The following THRAP3 variants were observed in gnomAD, a reference collection of about 807,000 sequenced individuals.
THRAP3 encodes the protein thyroid hormone receptor associated protein 3.
THRAP3 carries 16 observed loss-of-function variants against 101.0 expected under a neutral mutation model. The ratio of observed to expected loss-of-function variants is 0.16; its 90% CI spans 0.11 to 0.24. The LOEUF (loss-of-function observed/expected upper bound fraction) is 0.24. Among genes scored for constraint, THRAP3 ranks in the 10% least tolerant of loss-of-function variants. The pLI is 1.00. For missense variants in THRAP3, 989 were observed against 1,202.7 expected (o/e 0.82, Z 2.63); for synonymous variants, 407 against 422.6 (o/e 0.96, Z 0.45).
chr1:36,282,543 A>G lies in THRAP3; in HGVS notation c.-21A>G. ...ATTTTCTTACATTAGGTGTAATTGA[A>G]AAGTGATCCTCTCTTCAGAGATGTC... On this transcript the variant is annotated 5_prime_UTR_variant, in exon 3 of 12. Transcript: ENST00000354618. The G allele has an allele frequency of 6.2e-7, 1 of 1,611,572 alleles. No individual in the cohort carries two copies. The highest frequency in any genetic ancestry group is 1.3e-5 in the African/African-American group (1 of 74,960).
rs936930516 is a variant in THRAP3 at position 36,249,950 on chromosome 1, C to T, written c.-134-9432C>T. ...GAAGGACCTTTAATTGGAGGAATGA[C>T]ATGATCATATTTGTGACAGGTTATT... is the stretch of plus-strand genomic sequence containing the variant. On this transcript the variant is annotated intron_variant, in intron 1 of 11. Transcript: ENST00000354618. 9.2e-5 allele frequency among the ~76,000 whole-genome samples: 14 copies of T among 152,064 alleles called. No homozygotes were observed. In the South Asian group the frequency reaches 2.1e-3, roughly 23 times the overall value.
chr1:36,289,756 C>T lies in THRAP3; in HGVS notation c.1737C>T (p.Asp579=), dbSNP rs1645842055. 1 of 1,603,728 alleles carries T rather than the reference C, an allele frequency of 6.2e-7. No homozygotes were observed. The highest frequency in any genetic ancestry group is 1.1e-5 in the South Asian group (1 of 89,536). Residue 579 remains aspartate, a synonymous_variant, in exon 5 of 12, where the codon GAC becomes GAT. Transcript: ENST00000354618. The part of the protein sequence containing the change: ...VNVRMDSFDE[D]LARPSGLLAQ... The stretch of plus-strand genomic sequence containing the variant: ...TCCGGATGGACTCTTTTGATGAGGA[C>T]CTCGCACGGTGAGATATGCTCCTTC...
upstream of THRAP3, among the ~76,000 whole-genome samples, chr1:36,221,976 A>AT (rs1644904925): frequency 6.6e-6 from 1 of 151,822 alleles, no homozygotes; most frequent in Non-Finnish European, 1.5e-5. Flanking sequence ...TGCCCAGCTA[A>AT]TTTTTTGTAT....
intron 4 of THRAP3, 127 bp from the exon 5 acceptor site, chr1:36,288,933 T>G (rs1645829752): frequency 1.5e-6 from 2 of 1,333,940 alleles, no homozygotes; most frequent in Non-Finnish European, 1.9e-6. Flanking sequence ...AGAAAGTCCT[T>G]TGGTAATACA....
chr1:36,254,970 C>T (rs1197007968), intron 1 of THRAP3, among the ~76,000 whole-genome samples: 1 of 152,096 alleles, frequency 6.6e-6, no homozygotes, highest in Non-Finnish European at 1.5e-5. Flanking sequence ...TTTCACCAGT[C>T]TTGGATCAAT....
intron 1 of THRAP3, among the ~76,000 whole-genome samples, chr1:36,257,888 T>C (rs949708926): frequency 2.6e-5 from 4 of 152,228 alleles, no homozygotes; most frequent in African/African-American, 9.6e-5. Flanking sequence ...TCACCCACGC[T>C]GGAGTGCAAT....
chr1:36,212,988 G>A, the THRAP3 span, among the ~76,000 whole-genome samples: 1 of 152,182 alleles, frequency 6.6e-6, no homozygotes, highest in Admixed American at 6.6e-5. Context: ...GAGGAAGCAG[G>A]AAGTCCAGAG....
At chr1:36,302,540 T>G (rs879525462) in intron 11 of THRAP3, among the ~76,000 whole-genome samples, 1 of 152,132 alleles carries the variant, frequency 6.6e-6, no homozygotes, top group African/African-American at 2.4e-5. Context: ...AGGGAAAAGA[T>G]TAAAGGCCCT....
the THRAP3 span, among the ~76,000 whole-genome samples, chr1:36,219,032 C>CAAA: frequency 4.6e-5 from 3 of 64,674 alleles, no homozygotes; most frequent in Non-Finnish European, 1.1e-4. Flanking sequence ...GGCTCCATCT[C>CAAA]AAAAAAAAAA....
chr1:36,249,656 A>T (rs1296161923), intron 1 of THRAP3, among the ~76,000 whole-genome samples: 3 of 149,230 alleles, frequency 2.0e-5, no homozygotes, highest in Non-Finnish European at 4.4e-5. Context: ...CTGTTGCTGG[A>T]AGGTTTCGAA....
rs571150885 is a variant in THRAP3, at chr1:36,278,216, C to A, written c.-31-4317C>A. Among the ~76,000 whole-genome samples the A allele has an allele frequency of 1.8e-4, 27 of 152,098 alleles. No homozygotes were observed. The East Asian group carries it at 3.5e-3, about 20-fold the overall frequency. ...GAGTAGCTGGGATTACAGGTGCCTG[C>A]CACCACATTTGACTAATTTTTGTAT... On this transcript the variant is annotated intron_variant, in intron 2 of 11. Coordinates refer to ENST00000354618, the MANE Select transcript of THRAP3 (RefSeq NM_005119.4).
chr1:36,301,057 A>G lies in THRAP3; in HGVS notation c.2475A>G (p.Arg825=). 1 of 1,614,212 alleles carries G rather than the reference A, an allele frequency of 6.2e-7. No individual in the cohort carries two copies. The highest frequency in any genetic ancestry group is 8.5e-7 in the Non-Finnish European group (1 of 1,180,022). ...GTKDFVGPSE[R]GGGRARGTFQ... ...AAGACTTTGTGGGTCCAAGTGAAAG[A>G]GGAGGTGGCAGAGCTCGAGGAACCT... The change falls in exon 10 of 12, where the codon AGA becomes AGG. Residue 825 remains arginine, a synonymous_variant. Coordinates refer to ENST00000354618, the MANE Select transcript of THRAP3 (RefSeq NM_005119.4).
intron 2 of THRAP3, among the ~76,000 whole-genome samples, chr1:36,270,585 T>TGTTTTTG (rs1275437427): frequency 1.1e-3 from 165 of 148,360 alleles, no homozygotes; most frequent in African/African-American, 3.6e-3. Flanking sequence ...TTGTTTTTTT[T>TGTTTTTG]TTTTTTTTTG....
the THRAP3 span, among the ~76,000 whole-genome samples, chr1:36,208,794 A>G: frequency 1.3e-5 from 2 of 151,436 alleles, no homozygotes; most frequent in African/African-American, 2.4e-5. Flanking sequence ...AGCCTCCTGA[A>G]TAGCTGGGAC....
chr1:36,294,169 G>GAA, intron 8 of THRAP3: 1 of 1,257,874 alleles, frequency 7.9e-7, no homozygotes, highest in Admixed American at 3.8e-5. Context: ...GTGAGCTTGA[G>GAA]AAAAAAAAGA....
At chr1:36,294,400 A>G (rs542137597) in intron 8 of THRAP3, among the ~76,000 whole-genome samples, 1 of 152,270 alleles carries the variant, frequency 6.6e-6, no homozygotes, top group Non-Finnish European at 1.5e-5. Context: ...TACCATATCT[A>G]TCATCTGTCA....
Position 36,292,685 on chromosome 1 carries a change from A to C in THRAP3, c.2006A>C (p.Asn669Thr). The change falls in exon 7 of 12, where the codon AAC becomes ACC. Residue 669 changes from asparagine to threonine, a missense_variant. Transcript: ENST00000354618. ...GGAACTGAGCAGGAGGCAGCCAAAA[A>C]CAAGAAAAGCCCAGAGATACACAGG... ...KRGTEQEAAK[N>T]KKSPEIHRRI... The C allele has an allele frequency of 6.2e-7, 1 of 1,613,708 alleles. No homozygotes were observed. Among genetic ancestry groups the C allele is most frequent in the African/African-American group, 1.3e-5 (1 of 75,034 alleles).
At chr1:36,246,964 CT>C (rs1424676534) in intron 1 of THRAP3, among the ~76,000 whole-genome samples, 2 of 152,104 alleles carry the variant, frequency 1.3e-5, no homozygotes, top group African/African-American at 4.8e-5. Flanking sequence ...CACATTATAA[CT>C]TTTGCAAAAA....
At chr1:36,215,749 T>C in the THRAP3 span, among the ~76,000 whole-genome samples, 1 of 150,976 alleles carries the variant, frequency 6.6e-6, no homozygotes, top group Non-Finnish European at 1.5e-5. Context: ...AAAAAGAATA[T>C]TTTCTTTTTT....
Sources: gnomAD v4.1 joint callset for allele counts (sites outside exome capture counted in the v4.1 genomes callset) on GRCh38, gnomAD v4.1.1 for gene constraint, MANE v1.5 for transcripts, NCBI Gene and HGNC (gene_info 2026-07-23, HGNC 2026-07-21) for gene names.